Variants in PLCE1 observed in about 807,000 individuals in gnomAD.
PLCE1 encodes 1-phosphatidylinositol 4,5-bisphosphate phosphodiesterase epsilon-1.
A neutral mutation model predicts 242.8 loss-of-function variants in PLCE1; 119 were observed. The observed-to-expected ratio is 0.49, with a 90% CI of 0.42 to 0.57. The LOEUF (loss-of-function observed/expected upper bound fraction) is 0.57, where lower values mean the gene tolerates loss of function less well. Ranked by LOEUF, PLCE1 falls within the 20% of genes least tolerant of loss-of-function variation. The probability of loss-of-function intolerance (pLI) is 0.00; values close to 1 mark genes in which losing one functional copy is unlikely to be tolerated. For missense variants in PLCE1, 2,441 were observed against 2,788.8 expected, an observed-to-expected ratio of 0.88 and a Z score of 2.81; for synonymous variants, 945 against 1,017.4, an observed-to-expected ratio of 0.93 and a Z score of 1.35.
At chr10:94,000,779 G>A (rs1390172294) in intron 1 of PLCE1, among the ~76,000 whole-genome samples, 3 of 152,174 alleles carry the variant, frequency 2.0e-5, no homozygotes, top group African/African-American at 7.2e-5. Context: ...GTGCCACTGA[G>A]CTGCCTCTCA....
At chr10:94,292,416 G>A (rs2052673856) in intron 22 of PLCE1, among the ~76,000 whole-genome samples, 1 of 152,190 alleles carries the variant, frequency 6.6e-6, no homozygotes, top group African/African-American at 2.4e-5. Context: ...AACCAGGTGA[G>A]TATGATACAA....
At chr10:94,007,750 T>C (rs1292200752) in intron 1 of PLCE1, among the ~76,000 whole-genome samples, 2 of 103,574 alleles carry the variant, frequency 1.9e-5, no homozygotes, top group Non-Finnish European at 3.8e-5. Context: ...GGTATTCTTA[T>C]AGACTTTTTT....
At chr10:94,286,275 A>G (rs574059079) in intron 22 of PLCE1, among the ~76,000 whole-genome samples, 347 of 152,252 alleles carry the variant, frequency 2.3e-3, no homozygotes, top group Non-Finnish European at 3.6e-3. Flanking sequence ...CTCCCAGAGC[A>G]TATCTTAAGC....
chr10:94,325,576 TGA>T (rs936343674), intron 32 of PLCE1: 1 of 148,846 alleles, frequency 6.7e-6, no homozygotes, highest in African/African-American at 2.5e-5. Flanking sequence ...GCCTGGGCAA[TGA>T]GAGTGAAAAC....
chr10:94,137,128 G>C (rs1453264019), intron 3 of PLCE1, among the ~76,000 whole-genome samples: 1 of 152,140 alleles, frequency 6.6e-6, no homozygotes, highest in Non-Finnish European at 1.5e-5. Context: ...GGGAGGCAGA[G>C]CTTGCAGTGA....
chr10:94,278,484 T>C (rs1218247151), intron 19 of PLCE1, among the ~76,000 whole-genome samples: 7 of 152,216 alleles, frequency 4.6e-5, no homozygotes, highest in Admixed American at 4.6e-4. Flanking sequence ...TTTTCAAAAA[T>C]GTTAATTAAC....
chr10:94,241,386 T>C (rs2050497734), intron 7 of PLCE1, among the ~76,000 whole-genome samples: 1 of 152,224 alleles, frequency 6.6e-6, no homozygotes, highest in Non-Finnish European at 1.5e-5. Context: ...AGAAGTTCTA[T>C]GTACAAATTT....
At chr10:94,064,980 C>T (rs539025343) in intron 2 of PLCE1, among the ~76,000 whole-genome samples, 9 of 152,318 alleles carry the variant, frequency 5.9e-5, no homozygotes, top group African/African-American at 1.9e-4. Context: ...TTGTTCTAAA[C>T]TCAAGAGTAT....
chr10:94,232,353 C>G (rs1437521636), intron 5 of PLCE1, among the ~76,000 whole-genome samples: 1 of 152,138 alleles, frequency 6.6e-6, no homozygotes, highest in African/African-American at 2.4e-5. Flanking sequence ...GTTTCACAAC[C>G]CAACCAGTCT....
chr10:94,325,014 C>G lies in PLCE1; in HGVS notation c.6843C>G (p.Ile2281Met). The change falls in exon 32 of 33, where the codon ATC becomes ATG. Residue 2281 changes from isoleucine to methionine, a missense_variant. Transcript: ENST00000371380. ...SPSQLLTSES[I>M]QTKEEKPVGG... ...CTCAGCTCTTGACCTCAGAAAGTAT[C>G]CAAACCAAGGAGGAGAAACCTGTGG... 1 of 1,614,120 alleles carries G rather than the reference C, an allele frequency of 6.2e-7. No homozygotes were observed. Among genetic ancestry groups the G allele is most frequent in the South Asian group, 1.1e-5 (1 of 91,076 alleles).
In PLCE1 at chr10:94,262,579, T is replaced by G; in HGVS notation, c.3900T>G (p.Asp1300Glu). ...QLSDNQRQIS[D>E]AIAAASIVTN... ...CGGACAACCAGAGGCAGATATCTGA[T>G]GCCATTGCTGCTGCAAGCATTGTGA... Residue 1300 changes from aspartate to glutamate, a missense_variant, in exon 14 of 33, where the codon GAT becomes GAG. Transcript: ENST00000371380. The G allele has an allele frequency of 3.1e-6, 5 of 1,614,148 alleles. No homozygotes were observed. The highest frequency in any genetic ancestry group is 4.2e-6 in the Non-Finnish European group (5 of 1,179,960).
At position 94,272,113 on chromosome 10, in the gene PLCE1, G is replaced by A. The variant is rs548805008; in HGVS notation, c.4507-1449G>A. ...AAACAGGGTTCAAGAGCAGAGAACC[G>A]GTCTGACCTCAAATTTACCAGGGCT... On this transcript the variant is annotated intron_variant, in intron 18 of 32. Coordinates refer to ENST00000371380, the MANE Select transcript of PLCE1 (RefSeq NM_016341.4). Among the ~76,000 whole-genome samples the A allele has an allele frequency of 7.2e-5, 11 of 152,198 alleles. No homozygotes were observed. In the South Asian group the frequency reaches 1.0e-3, roughly 14 times the overall value.
chr10:94,267,145 A>AT (rs1319242085), intron 16 of PLCE1, among the ~76,000 whole-genome samples: 1 of 152,184 alleles, frequency 6.6e-6, no homozygotes, highest in Non-Finnish European at 1.5e-5. Flanking sequence ...ACTTATATAT[A>AT]TTTCATATAC....
At chr10:94,288,730 G>A (rs1027053117) in intron 22 of PLCE1, among the ~76,000 whole-genome samples, 2 of 152,184 alleles carry the variant, frequency 1.3e-5, no homozygotes, top group African/African-American at 4.8e-5. Context: ...TCGTCCGGAA[G>A]ATTCTGTGAC....
intron 9 of PLCE1, among the ~76,000 whole-genome samples, chr10:94,253,288 G>T (rs773038996): frequency 4.6e-5 from 7 of 152,172 alleles, no homozygotes; most frequent in Non-Finnish European, 8.8e-5. Context: ...ATGGCAGAAG[G>T]TGAAGCGGGA....
At chr10:94,140,606 A>C (rs1027124222) in intron 3 of PLCE1, among the ~76,000 whole-genome samples, 1 of 152,220 alleles carries the variant, frequency 6.6e-6, no homozygotes, top group Admixed American at 6.5e-5. Context: ...CTTTCTCTAA[A>C]GTTAATAGCT....
intron 1 of PLCE1, among the ~76,000 whole-genome samples, chr10:94,024,851 C>G (rs1013952396): frequency 1.3e-5 from 2 of 152,134 alleles, no homozygotes; most frequent in Non-Finnish European, 2.9e-5. Context: ...TTATTTCACT[C>G]TTCTGTACTC....
At chr10:94,318,453 T>G (rs1333177424) in intron 29 of PLCE1, among the ~76,000 whole-genome samples, 1 of 152,198 alleles carries the variant, frequency 6.6e-6, no homozygotes, top group Non-Finnish European at 1.5e-5. Flanking sequence ...CCTCAAACAC[T>G]ATGTTGAATG....
chr10:94,280,024 A>G lies in PLCE1; in HGVS notation c.4795+113A>G, dbSNP rs2052140261. The G allele has an allele frequency of 6.4e-6, 7 of 1,100,248 alleles. No homozygotes were observed. The South Asian group carries it at 7.5e-5, about 12-fold the overall frequency. 68.2% of individuals were successfully genotyped at this position (1,100,248 alleles called of 1,614,324 possible). On this transcript the variant is annotated intron_variant, in intron 20 of 32. Coordinates refer to ENST00000371380, the MANE Select transcript of PLCE1 (RefSeq NM_016341.4). The stretch of plus-strand genomic sequence containing the variant: ...AAAGACCAGTAATACGGATGGTTGT[A>G]ATATTGTCCAGGAGTTTCTGAATTC...
Sources: gnomAD v4.1 joint callset for allele counts (sites outside exome capture counted in the v4.1 genomes callset) on GRCh38, gnomAD v4.1.1 for gene constraint, MANE v1.5 for transcripts, NCBI Gene and HGNC (gene_info 2026-07-23, HGNC 2026-07-21) for gene names.